Variants in DNAAF9 observed in about 807,000 individuals in gnomAD.
DNAAF9 encodes the protein dynein axonemal assembly factor 9.
Under a neutral mutation model 167.0 loss-of-function variants are expected in DNAAF9, and 90 were observed. That is an observed-to-expected ratio of 0.54 (90% CI 0.45 to 0.64). The LOEUF is 0.64. DNAAF9 is among the 30% of genes least tolerant of loss of function. DNAAF9 has a pLI of 0.00. For synonymous variants in DNAAF9, 491 were observed against 508.8 expected (o/e 0.96, Z 0.47); for missense variants, 1,315 against 1,442.2 (o/e 0.91, Z 1.43).
chr20:3,302,629 T>C (rs1159705921), intron 21 of DNAAF9, among the ~76,000 whole-genome samples: 1 of 152,216 alleles, frequency 6.6e-6, no homozygotes, highest in East Asian at 1.9e-4. Context: ...GCTATTTACA[T>C]ACACAACATG....
intron 10 of DNAAF9, among the ~76,000 whole-genome samples, chr20:3,339,950 A>T (rs1391587421): frequency 6.6e-6 from 1 of 152,262 alleles, no homozygotes; most frequent in African/African-American, 2.4e-5. Flanking sequence ...CCTGATTGCC[A>T]GAGACATTTT....
chr20:3,343,642 C>T (rs1201354700), intron 9 of DNAAF9, 34 bp downstream of exon 9: 2 of 1,570,460 alleles, frequency 1.3e-6, no homozygotes, highest in South Asian at 1.1e-5. Flanking sequence ...TTCTCTATCA[C>T]CATTCGCCCT....
chr20:3,296,910 A>G lies in DNAAF9; in HGVS notation c.1969T>C (p.Ser657Pro). The change falls in exon 23 of 37, where the codon TCT becomes CCT. Residue 657 changes from serine (S) to proline (P), a missense_variant. Ser to Pro is a moderately conservative substitution (Grantham distance 74). Transcript: ENST00000252032. ...CCATCTTCCTGGATCACTTTTAAAG[A>G]GATCCCTGAGTTATCCTGCTGTTTC... ...LWKQQDNSGI[S>P]LKVIQEDGLS... The G allele has an allele frequency of 6.2e-7, 1 of 1,611,388 alleles. No homozygotes were observed. The highest frequency in any genetic ancestry group is 1.7e-4 in the Middle Eastern group (1 of 6,058).
chr20:3,255,465 G>T (rs1333285656), intron 34 of DNAAF9, among the ~76,000 whole-genome samples, 181 bp from the exon 35 acceptor site: 1 of 152,078 alleles, frequency 6.6e-6, no homozygotes, highest in Non-Finnish European at 1.5e-5. Context: ...TCCCATCACA[G>T]AGCCCTGTGA....
chr20:3,279,784 G>T (rs1044932304), intron 28 of DNAAF9, among the ~76,000 whole-genome samples: 2 of 152,200 alleles, frequency 1.3e-5, no homozygotes, highest in Non-Finnish European at 2.9e-5. Flanking sequence ...CAGGCAGCTG[G>T]GAGGCAGCAG....
At chr20:3,256,429 T>C (rs1458199964) in intron 33 of DNAAF9, among the ~76,000 whole-genome samples, 1 of 152,168 alleles carries the variant, frequency 6.6e-6, no homozygotes, top group African/African-American at 2.4e-5. Flanking sequence ...GGAGGAGCAC[T>C]TGAGCCCAGG....
At chr20:3,279,087 T>TA in intron 28 of DNAAF9, 138 bp from the exon 29 acceptor site, 1 of 679,160 alleles carries the variant, frequency 1.5e-6, no homozygotes, top group Non-Finnish European at 2.6e-6. Context: ...CACTGAGCAC[T>TA]AAGGATAGCC....
At chr20:3,256,888 T>G (rs1353569660) in intron 33 of DNAAF9, among the ~76,000 whole-genome samples, 1 of 152,112 alleles carries the variant, frequency 6.6e-6, no homozygotes, top group Non-Finnish European at 1.5e-5. Flanking sequence ...AAAAATTAGC[T>G]GGGTGTGATG....
chr20:3,253,207 T>C (rs868444422), intron 36 of DNAAF9, among the ~76,000 whole-genome samples: 3 of 152,170 alleles, frequency 2.0e-5, no homozygotes, highest in South Asian at 2.1e-4. Flanking sequence ...TTCAGGAGGC[T>C]GAGGTGGGAG....
intron 1 of DNAAF9, among the ~76,000 whole-genome samples, chr20:3,405,065 T>C (rs748224953): frequency 1.3e-5 from 2 of 152,182 alleles, no homozygotes; most frequent in Non-Finnish European, 2.9e-5. Context: ...GGCTACACAG[T>C]ATTCCCACGC....
At chr20:3,258,311 C>T (rs2068318834) in intron 33 of DNAAF9, among the ~76,000 whole-genome samples, 2 of 152,186 alleles carry the variant, frequency 1.3e-5, no homozygotes, top group African/African-American at 4.8e-5. Context: ...CTGATTTGAT[C>T]ACATAAATCA....
At chr20:3,292,063 A>T (rs2068965874) in intron 25 of DNAAF9, among the ~76,000 whole-genome samples, 1 of 149,066 alleles carries the variant, frequency 6.7e-6, no homozygotes, top group African/African-American at 2.5e-5. Context: ...CAGTGGTGCG[A>T]TCTTGGCTTA....
rs1254707470 is a variant in DNAAF9 at position 3,277,470 on chromosome 20, T to G, written c.2650+1442A>C. ...ATTAACTTTGACCATGACTTCCAAA[T>G]ACGTATCTTAGGATGAGACAGCCCT... On this transcript the variant is annotated intron_variant, in intron 29 of 36. Transcript: ENST00000252032. Among the ~76,000 whole-genome samples, 3 of 152,186 alleles carry G rather than the reference T, an allele frequency of 2.0e-5. No homozygotes were observed. In the East Asian group the frequency reaches 5.8e-4, roughly 29 times the overall value.
In DNAAF9 at chr20:3,353,068, T is replaced by C. The variant is rs556067131; in HGVS notation, c.691-4445A>G. 2.7e-5 allele frequency among the ~76,000 whole-genome samples: 4 copies of C among 148,984 alleles called. No homozygotes were observed. In the East Asian group the frequency reaches 7.8e-4, roughly 29 times the overall value. ...TGTAAATATATGTATATATAACACA[T>C]TATATATAACATGTATACAGATGTT... On this transcript the variant is annotated intron_variant, in intron 7 of 36. Coordinates refer to ENST00000252032, the MANE Select transcript of DNAAF9 (RefSeq NM_001009984.3).
chr20:3,268,897 C>CTTTTTTTTTTTT lies in DNAAF9; in HGVS notation c.2786+1518_2786+1529dup, dbSNP rs386393120. Among the ~76,000 whole-genome samples, 26 of 85,842 alleles carry CTTTTTTTTTTTT rather than the reference C, an allele frequency of 3.0e-4. 4 individuals carry two copies. Among genetic ancestry groups the CTTTTTTTTTTTT allele is most frequent in the African/African-American group, 9.8e-4 (21 of 21,492 alleles). The allele number at this position is 85,842 out of a possible 152,430, so 56.3% of individuals were successfully genotyped here. ...GTAAAGAGATAATATCTCTATGTTA[C>CTTTTTTTTTTTT]TTTTTTTTTTTTTTTTTTTTTTTTG... On this transcript the variant is annotated intron_variant, in intron 30 of 36. Transcript: ENST00000252032.
intron 20 of DNAAF9, among the ~76,000 whole-genome samples, chr20:3,312,043 C>T (rs2123020279): frequency 6.6e-6 from 1 of 150,518 alleles, no homozygotes; most frequent in Middle Eastern, 3.5e-3. Context: ...GGCTGGAGTG[C>T]AATGGCACAA....
intron 12 of DNAAF9, among the ~76,000 whole-genome samples, chr20:3,328,713 G>A (rs1031448862): frequency 3.3e-5 from 5 of 152,110 alleles, no homozygotes; most frequent in African/African-American, 4.8e-5. Context: ...ACCCACCAAC[G>A]TGAGGAAATG....
chr20:3,401,752 T>C (rs2083987411), intron 1 of DNAAF9, among the ~76,000 whole-genome samples: 2 of 152,180 alleles, frequency 1.3e-5, no homozygotes, highest in African/African-American at 2.4e-5. Flanking sequence ...AGCCCCCTGA[T>C]ACTTTCCAGG....
intron 20 of DNAAF9, among the ~76,000 whole-genome samples, chr20:3,310,646 C>G (rs1028822193): frequency 1.3e-5 from 2 of 151,140 alleles, no homozygotes; most frequent in Admixed American, 6.6e-5. Context: ...GATTGCGCCA[C>G]TGCACTCCAG....
Sources: gnomAD v4.1 joint callset for allele counts (sites outside exome capture counted in the v4.1 genomes callset) on GRCh38, gnomAD v4.1.1 for gene constraint, MANE v1.5 for transcripts, NCBI Gene and HGNC (gene_info 2026-07-23, HGNC 2026-07-21) for gene names.